The following NRXN3 variants were observed in gnomAD, a reference collection of about 807,000 sequenced individuals.
NRXN3 encodes the protein neurexin 3.
NRXN3 carries 32 observed loss-of-function variants against 137.6 expected under a neutral mutation model. The observed-to-expected ratio is 0.23, with a 90% CI of 0.18 to 0.31. NRXN3 has a LOEUF of 0.31. Ranked by LOEUF, NRXN3 falls within the 10% of genes least tolerant of loss-of-function variation. NRXN3 has a pLI of 1.00. For synonymous variants in NRXN3, 798 were observed against 784.5 expected, an observed-to-expected ratio of 1.02 and a Z score of -0.29; for missense variants, 1,574 against 2,062.5, an observed-to-expected ratio of 0.76 and a Z score of 4.59.
At chr14:78,463,364 G>A (rs900339189) in intron 4 of NRXN3, among the ~76,000 whole-genome samples, 18 of 151,588 alleles carry the variant, frequency 1.2e-4, no homozygotes, top group African/African-American at 4.4e-4. Flanking sequence ...AAACATATGA[G>A]TGCCAGTGTC....
At chr14:79,048,345 T>C (rs1057237313) in intron 15 of NRXN3, among the ~76,000 whole-genome samples, 2 of 152,176 alleles carry the variant, frequency 1.3e-5, no homozygotes, top group African/African-American at 2.4e-5. Context: ...CAGGGGTACA[T>C]TGATTTGTTA....
intron 8 of NRXN3, among the ~76,000 whole-genome samples, chr14:78,800,847 G>A (rs972127901): frequency 6.6e-6 from 1 of 152,134 alleles, no homozygotes; most frequent in Non-Finnish European, 1.5e-5. Context: ...ACCTAGAATA[G>A]TGCCTGGCAA....
chr14:78,289,289 A>G (rs1046819875), intron 3 of NRXN3, among the ~76,000 whole-genome samples: 2 of 152,130 alleles, frequency 1.3e-5, no homozygotes, highest in Non-Finnish European at 1.5e-5. Context: ...GTGACAGGCT[A>G]TTGTTGAAGT....
At chr14:79,497,479 C>T (rs188890285) in intron 16 of NRXN3, among the ~76,000 whole-genome samples, 9 of 152,228 alleles carry the variant, frequency 5.9e-5, no homozygotes, top group African/African-American at 2.2e-4. Flanking sequence ...ATTTTATCTG[C>T]CTTTCTTCCT....
intron 15 of NRXN3, among the ~76,000 whole-genome samples, chr14:79,433,458 C>T (rs2095796116): frequency 4.6e-5 from 7 of 152,136 alleles, no homozygotes; most frequent in Admixed American, 1.3e-4. Flanking sequence ...CACTAGCATT[C>T]TCTCTACCTT....
intron 15 of NRXN3, among the ~76,000 whole-genome samples, chr14:79,375,581 G>A (rs887429217): frequency 2.0e-5 from 3 of 151,974 alleles, no homozygotes; most frequent in Admixed American, 6.6e-5. Flanking sequence ...TCAGTGCCTC[G>A]CAGCTCATCT....
At chr14:79,575,283 C>G (rs221417) in intron 16 of NRXN3, among the ~76,000 whole-genome samples, 15 of 152,068 alleles carry the variant, frequency 9.9e-5, no homozygotes, top group African/African-American at 3.6e-4. Context: ...GCTTCTAAGC[C>G]CTCCTGGGGC....
intron 10 of NRXN3, among the ~76,000 whole-genome samples, chr14:78,824,103 CTTTTTTT>C (rs11387026): frequency 1.0e-4 from 10 of 98,928 alleles, no homozygotes; most frequent in African/African-American, 1.5e-4. Flanking sequence ...TCACCTGCTT[CTTTTTTT>C]TTTTTTTTTT....
chr14:78,461,834 A>C (rs2094929217), intron 4 of NRXN3, among the ~76,000 whole-genome samples: 2 of 152,218 alleles, frequency 1.3e-5, no homozygotes, highest in Non-Finnish European at 2.9e-5. Flanking sequence ...TTTGATTAGC[A>C]ATCAGAATAA....
In NRXN3 at chr14:78,422,428, C is replaced by T. The variant is rs575898966; in HGVS notation, c.757+124568C>T. Reference sequence around the variant, plus strand: ...TAGTCTCTCACAAATGTTTGGTAAACGAATGAACTCTTCAATGCAAAGGTT... The same window carrying T: ...TAGTCTCTCACAAATGTTTGGTAAATGAATGAACTCTTCAATGCAAAGGTT... On this transcript the variant is annotated intron_variant, in intron 4 of 20. Transcript: ENST00000335750. Among the ~76,000 whole-genome samples the T allele has an allele frequency of 3.3e-5, 5 of 152,190 alleles. 1 individual carries two copies. Among genetic ancestry groups the T allele is most frequent in the East Asian group, 3.9e-4 (2 of 5,166 alleles).
At chr14:78,223,391 T>C (rs1314792223) in intron 1 of NRXN3, among the ~76,000 whole-genome samples, 1 of 152,258 alleles carries the variant, frequency 6.6e-6, no homozygotes, top group Admixed American at 6.5e-5. Flanking sequence ...TTTGGAAATG[T>C]GGGCTTGACT....
At chr14:78,819,512 T>C (rs144185753) in intron 10 of NRXN3, among the ~76,000 whole-genome samples, 50 of 152,262 alleles carry the variant, frequency 3.3e-4, no homozygotes, top group African/African-American at 1.2e-3. Context: ...CACCATTTTA[T>C]ATAAGGAACT....
chr14:78,230,860 G>A (rs997027082), intron 1 of NRXN3, among the ~76,000 whole-genome samples: 1 of 152,198 alleles, frequency 6.6e-6, no homozygotes, highest in Admixed American at 6.5e-5. Context: ...AACCACTGGA[G>A]GGTCTTGGAT....
At chr14:79,524,502 CA>C (rs2097100194) in intron 16 of NRXN3, among the ~76,000 whole-genome samples, 2 of 152,044 alleles carry the variant, frequency 1.3e-5, no homozygotes, top group African/African-American at 4.8e-5. Flanking sequence ...TGATGATCGA[CA>C]ATAAAGAAAT....
chr14:79,434,832 G>A (rs1426166675), intron 15 of NRXN3, among the ~76,000 whole-genome samples: 1 of 152,206 alleles, frequency 6.6e-6, no homozygotes, highest in African/African-American at 2.4e-5. Flanking sequence ...AAGTTAGGTT[G>A]TCCCTTCTGA....
intron 19 of NRXN3, among the ~76,000 whole-genome samples, chr14:79,769,018 T>G (rs979248634): frequency 1.1e-4 from 16 of 151,722 alleles, no homozygotes; most frequent in Non-Finnish European, 7.4e-5. Context: ...GAAGAAAGGG[T>G]ATCAGCAATG....
chr14:79,513,118 A>G (rs1271347808), intron 16 of NRXN3, among the ~76,000 whole-genome samples: 1 of 152,254 alleles, frequency 6.6e-6, no homozygotes, highest in Non-Finnish European at 1.5e-5. Flanking sequence ...AGGATGGTGT[A>G]TGTAGAAGAA....
At chr14:79,349,311 A>C (rs982349171) in intron 15 of NRXN3, among the ~76,000 whole-genome samples, 4 of 152,022 alleles carry the variant, frequency 2.6e-5, no homozygotes, top group Admixed American at 2.0e-4. Context: ...AAAAAAATCT[A>C]TTTAATTATT....
At chr14:78,174,509 G>T (rs1313326713) in intron 1 of NRXN3, among the ~76,000 whole-genome samples, 3 of 152,166 alleles carry the variant, frequency 2.0e-5, no homozygotes, top group African/African-American at 7.2e-5. Context: ...GTTTACGGGT[G>T]GGGACTGGAA....
Sources: gnomAD v4.1 joint callset for allele counts (sites outside exome capture counted in the v4.1 genomes callset) on GRCh38, gnomAD v4.1.1 for gene constraint, MANE v1.5 for transcripts, NCBI Gene and HGNC (gene_info 2026-07-23, HGNC 2026-07-21) for gene names.